DNAAF11: variants seen among roughly 807,000 people sequenced by gnomAD.
DNAAF11 encodes dynein axonemal assembly factor 11, also known as leucine rich repeat containing 6.
Under a neutral mutation model 60.8 loss-of-function variants are expected in DNAAF11, and 45 were observed. The observed-to-expected ratio is 0.74, with a 90% CI of 0.58 to 0.95. The LOEUF (loss-of-function observed/expected upper bound fraction) is 0.95. DNAAF11 is among the 40% of genes least tolerant of loss of function. The probability of loss-of-function intolerance (pLI) is 0.00; values close to 1 mark genes in which losing one functional copy is unlikely to be tolerated. For synonymous variants in DNAAF11, 191 were observed against 183.5 expected (o/e 1.04, Z -0.33); for missense variants, 546 against 546.2 (o/e 1.00, Z 0.00).
chr8:132,662,551 C>T (rs1208543381), intron 1 of DNAAF11, among the ~76,000 whole-genome samples: 1 of 152,184 alleles, frequency 6.6e-6, no homozygotes, highest in African/African-American at 2.4e-5. Context: ...GACTCACTGT[C>T]ACTTACAAGG....
chr8:132,629,383 T>A (rs538193758), intron 5 of DNAAF11, among the ~76,000 whole-genome samples: 2 of 150,728 alleles, frequency 1.3e-5, no homozygotes, highest in East Asian at 3.9e-4. Context: ...AGTCTCGCCC[T>A]GTTGCCCAGG....
the DNAAF11 span, among the ~76,000 whole-genome samples, chr8:132,681,381 A>G: frequency 6.6e-6 from 1 of 151,258 alleles, no homozygotes; most frequent in African/African-American, 2.4e-5. Context: ...AGTGGGTACA[A>G]TTACTGTCTC....
At chr8:132,697,958 T>C in the DNAAF11 span, among the ~76,000 whole-genome samples, 1 of 152,142 alleles carries the variant, frequency 6.6e-6, no homozygotes, top group African/African-American at 2.4e-5. Flanking sequence ...AAAATATTAA[T>C]AAAATGTATG....
chr8:132,694,184 T>A, the DNAAF11 span, among the ~76,000 whole-genome samples: 1 of 152,192 alleles, frequency 6.6e-6, no homozygotes, highest in African/African-American at 2.4e-5. Flanking sequence ...GTGCATCAGA[T>A]GTGGATATGG....
At chr8:132,636,754 T>C (rs16904716) in intron 4 of DNAAF11, among the ~76,000 whole-genome samples, 6,214 of 152,282 alleles carry the variant, frequency 0.041, 428 homozygotes, top group African/African-American at 0.14. Flanking sequence ...TGTATAATAA[T>C]GATCAGTTTA....
rs369132834 is a variant in DNAAF11 at position 132,614,860 on chromosome 8, C to G, written c.974+178G>C. The stretch of plus-strand genomic sequence containing the variant: ...TCCATGAAATTGTGGCTTTATTTAC[C>G]TTTCCTTTCATTTTCATGCTTTTAA... On this transcript the variant is annotated intron_variant, in intron 8 of 11. Coordinates refer to ENST00000620350, the MANE Select transcript of DNAAF11 (RefSeq NM_012472.6). Among the ~76,000 whole-genome samples the G allele has an allele frequency of 3.9e-5, 6 of 152,110 alleles. No individual in the cohort carries two copies. In the East Asian group the frequency reaches 9.6e-4, roughly 24 times the overall value.
In DNAAF11 at chr8:132,625,193, T is replaced by C. The variant is rs1036710971; in HGVS notation, c.836+79A>G. The C allele has an allele frequency of 1.2e-5, 13 of 1,110,296 alleles. No homozygotes were observed. In the African/African-American group the frequency reaches 1.7e-4, roughly 15 times the overall value. 68.8% of individuals were successfully genotyped at this position (1,110,296 alleles called of 1,614,324 possible). ...AGTGCTAAAGGTTTAACACAAATAA[T>C]GGGTCAAAAAATGGGCAATCATAAA... On this transcript the variant is annotated intron_variant, in intron 6 of 11. Transcript: ENST00000620350.
intron 4 of DNAAF11, among the ~76,000 whole-genome samples, chr8:132,636,302 A>G (rs1821289513): frequency 1.3e-5 from 2 of 152,142 alleles, no homozygotes; most frequent in African/African-American, 2.4e-5. Flanking sequence ...TCCAAAGCCT[A>G]TAATTTAACC....
chr8:132,700,641 T>C, the DNAAF11 span, among the ~76,000 whole-genome samples: 4 of 152,124 alleles, frequency 2.6e-5, no homozygotes, highest in East Asian at 3.9e-4. Flanking sequence ...TGAACTGTGA[T>C]TGTGCCTCTG....
intron 10 of DNAAF11, among the ~76,000 whole-genome samples, chr8:132,603,277 T>C (rs1253022485): frequency 6.6e-6 from 1 of 152,136 alleles, no homozygotes; most frequent in Non-Finnish European, 1.5e-5. Context: ...AAGATGGTAG[T>C]ATGTAGGAAG....
chr8:132,672,651 C>G (rs976103013), intron 1 of DNAAF11, among the ~76,000 whole-genome samples: 1 of 152,140 alleles, frequency 6.6e-6, no homozygotes, highest in South Asian at 2.1e-4. Context: ...TGTGAGAATT[C>G]AATGAGTACA....
At chr8:132,638,626 T>C (rs1013947433) in intron 3 of DNAAF11, among the ~76,000 whole-genome samples, 17 of 152,152 alleles carry the variant, frequency 1.1e-4, no homozygotes, top group Non-Finnish European at 1.6e-4. Context: ...CAAAGTCACC[T>C]AGCAGAGAGA....
At chr8:132,669,101 T>TA (rs1012990644) in intron 1 of DNAAF11, among the ~76,000 whole-genome samples, 2 of 152,192 alleles carry the variant, frequency 1.3e-5, no homozygotes, top group Non-Finnish European at 2.9e-5. Context: ...AGGCCTTTGT[T>TA]AGACATATCA....
At chr8:132,584,338 A>G (rs1210443005) in intron 10 of DNAAF11, among the ~76,000 whole-genome samples, 3 of 152,204 alleles carry the variant, frequency 2.0e-5, no homozygotes, top group Non-Finnish European at 4.4e-5. Flanking sequence ...CTCAATAAAT[A>G]AAATGATTCC....
chr8:132,614,063 C>A (rs1818917518), intron 8 of DNAAF11, among the ~76,000 whole-genome samples: 1 of 152,148 alleles, frequency 6.6e-6, no homozygotes, highest in African/African-American at 2.4e-5. Flanking sequence ...AAAGAACAAA[C>A]AAAACAAGCT....
At chr8:132,599,690 T>C (rs1462776269) in intron 10 of DNAAF11, among the ~76,000 whole-genome samples, 2 of 152,300 alleles carry the variant, frequency 1.3e-5, no homozygotes, top group African/African-American at 2.4e-5. Context: ...ATTATCTCAA[T>C]AGATGCAGAA....
intron 10 of DNAAF11, among the ~76,000 whole-genome samples, chr8:132,595,187 C>T (rs1021027602): frequency 1.3e-5 from 2 of 151,864 alleles, no homozygotes; most frequent in African/African-American, 2.4e-5. Flanking sequence ...CAGAAATGCT[C>T]TTGGCAGAAA....
rs561713753 is a variant in DNAAF11, at chr8:132,656,983, T to C, written c.179-76A>G. 2.4e-4 allele frequency: 130 copies of C among 544,984 alleles called. 1 individual carries two copies. The East Asian group carries it at 4.6e-3, about 19-fold the overall frequency. The allele number at this position is 544,984 out of a possible 1,614,324, so 33.8% of individuals were successfully genotyped here. The stretch of plus-strand genomic sequence containing the variant: ...ACTTTTATGTAATCTATTACTAAAA[T>C]AATAAAGAAAATCTAAAGATTATTA... On this transcript the variant is annotated intron_variant, in intron 2 of 11. Coordinates refer to ENST00000620350, the MANE Select transcript of DNAAF11 (RefSeq NM_012472.6).
At chr8:132,600,107 C>T (rs2129682071) in intron 10 of DNAAF11, among the ~76,000 whole-genome samples, 1 of 152,314 alleles carries the variant, frequency 6.6e-6, no homozygotes, top group South Asian at 2.1e-4. Flanking sequence ...GCAAAAATCA[C>T]AAGCATTCCT....
Sources: gnomAD v4.1 joint callset for allele counts (sites outside exome capture counted in the v4.1 genomes callset) on GRCh38, gnomAD v4.1.1 for gene constraint, MANE v1.5 for transcripts, NCBI Gene and HGNC (gene_info 2026-07-23, HGNC 2026-07-21) for gene names.